The following DIAPH3 variants were observed in gnomAD, a reference collection of about 807,000 sequenced individuals.
DIAPH3 encodes protein diaphanous homolog 3.
In DIAPH3, 117 loss-of-function variants were observed where a neutral mutation model predicts 144.3. That is an observed-to-expected ratio of 0.81 (90% CI 0.70 to 0.95). The LOEUF is 0.95. Among genes scored for constraint, DIAPH3 ranks in the 40% least tolerant of loss-of-function variants. The probability of loss-of-function intolerance (pLI) is 0.00; values close to 1 mark genes in which losing one functional copy is unlikely to be tolerated. For synonymous variants in DIAPH3, 519 were observed against 488.9 expected (o/e 1.06, Z -0.81); for missense variants, 1,421 against 1,412.7 (o/e 1.01, Z -0.09).
chr13:59,881,211 T>C (rs1318715025), intron 20 of DIAPH3, among the ~76,000 whole-genome samples: 4 of 151,894 alleles, frequency 2.6e-5, no homozygotes, highest in Admixed American at 2.6e-4. Flanking sequence ...TCCTTAACCA[T>C]TGCAAAAGGA....
intron 18 of DIAPH3, among the ~76,000 whole-genome samples, chr13:59,918,696 A>G (rs2047361306): frequency 1.3e-5 from 2 of 152,182 alleles, no homozygotes; most frequent in Non-Finnish European, 2.9e-5. Context: ...AAAACCCTAG[A>G]CAGACTTACT....
At chr13:59,947,762 G>A (rs952179915) in intron 17 of DIAPH3, among the ~76,000 whole-genome samples, 5 of 150,802 alleles carry the variant, frequency 3.3e-5, no homozygotes, top group Non-Finnish European at 5.9e-5. Context: ...AACCACAATC[G>A]TTTTGCATGA....
chr13:59,694,643 A>C (rs940251031), intron 27 of DIAPH3, among the ~76,000 whole-genome samples: 3 of 152,148 alleles, frequency 2.0e-5, no homozygotes, highest in African/African-American at 7.2e-5. Context: ...GCCTTTATAA[A>C]GTTTCTTAGT....
At chr13:59,856,554 A>G (rs941264433) in intron 22 of DIAPH3, among the ~76,000 whole-genome samples, 4 of 152,140 alleles carry the variant, frequency 2.6e-5, no homozygotes, top group Non-Finnish European at 4.4e-5. Flanking sequence ...TCCTCTGTAC[A>G]TGTACATTCC....
At chr13:60,044,550 T>C (rs1400976302) in intron 4 of DIAPH3, among the ~76,000 whole-genome samples, 1 of 152,198 alleles carries the variant, frequency 6.6e-6, no homozygotes, top group East Asian at 1.9e-4. Context: ...TATTGATGTC[T>C]CTTTTTGCTC....
chr13:60,047,977 G>C (rs1197366394), intron 4 of DIAPH3, among the ~76,000 whole-genome samples: 1 of 152,184 alleles, frequency 6.6e-6, no homozygotes, highest in Non-Finnish European at 1.5e-5. Flanking sequence ...AAGACTCCTG[G>C]ATTAGAGCCA....
chr13:59,993,248 G>A (rs944613905), intron 9 of DIAPH3, among the ~76,000 whole-genome samples: 3 of 151,766 alleles, frequency 2.0e-5, no homozygotes, highest in Admixed American at 6.6e-5. Context: ...TTCAGCTCAT[G>A]TTTAACACTT....
At position 60,156,918 on chromosome 13, in the gene DIAPH3, C is replaced by CACATATATATATATATATATATAT. The variant is rs1324633645; in HGVS notation, c.180+6668_180+6669insATATATATATATATATATATATGT. Among the ~76,000 whole-genome samples, 56 of 55,424 alleles carry CACATATATATATATATATATATAT rather than the reference C, an allele frequency of 1.0e-3. 13 individuals are homozygous for CACATATATATATATATATATATAT. The highest frequency in any genetic ancestry group is 4.6e-3 in the Admixed American group (16 of 3,500). 36.4% of individuals were successfully genotyped at this position (55,424 alleles called of 152,430 possible). A position where few individuals can be genotyped will look rare whatever the true frequency, so the allele number is the denominator to read the frequency against. ...TAGTGGCCCAGAGACCCAGATCCTT[C>CACATATATATATATATATATATAT]ATATATATATATATATATATATTTT... On this transcript the variant is annotated intron_variant, in intron 1 of 27. Coordinates refer to ENST00000400324, the MANE Select transcript of DIAPH3 (RefSeq NM_001042517.2).
At chr13:59,747,935 C>A (rs965226604) in intron 27 of DIAPH3, among the ~76,000 whole-genome samples, 1 of 152,168 alleles carries the variant, frequency 6.6e-6, no homozygotes, top group African/African-American at 2.4e-5. Flanking sequence ...ATGCCTTCCA[C>A]TATAAATTAT....
chr13:59,879,716 T>C (rs2044880995), intron 20 of DIAPH3, among the ~76,000 whole-genome samples: 1 of 152,182 alleles, frequency 6.6e-6, no homozygotes, highest in Admixed American at 6.5e-5. Context: ...AATGATAATG[T>C]TTAATTAAGC....
chr13:60,106,267 GA>G (rs1318228443), intron 3 of DIAPH3, among the ~76,000 whole-genome samples: 1 of 151,986 alleles, frequency 6.6e-6, no homozygotes, highest in African/African-American at 2.4e-5. Flanking sequence ...TCAAACCTCA[GA>G]AACAAACCCA....
intron 3 of DIAPH3, among the ~76,000 whole-genome samples, chr13:60,108,045 A>G (rs939236791): frequency 1.3e-5 from 2 of 152,208 alleles, no homozygotes; most frequent in Non-Finnish European, 2.9e-5. Context: ...ATCTAAGTAT[A>G]GTGTCTAAGG....
At chr13:59,759,515 C>A (rs2037463501) in intron 27 of DIAPH3, among the ~76,000 whole-genome samples, 1 of 152,160 alleles carries the variant, frequency 6.6e-6, no homozygotes, top group Non-Finnish European at 1.5e-5. Context: ...AAATACATTT[C>A]TTTCTCATCC....
intron 24 of DIAPH3, among the ~76,000 whole-genome samples, chr13:59,820,915 C>G (rs2041035524): frequency 6.6e-6 from 1 of 151,684 alleles, no homozygotes; most frequent in African/African-American, 2.4e-5. Context: ...CCCATTTAAA[C>G]AGATTCGCCC....
At chr13:59,949,813 A>G (rs2049007874) in intron 17 of DIAPH3, among the ~76,000 whole-genome samples, 2 of 152,198 alleles carry the variant, frequency 1.3e-5, no homozygotes, top group Non-Finnish European at 1.5e-5. Context: ...CCTAAAATCT[A>G]CAGACACCAG....
chr13:59,823,474 G>A (rs1013398169), intron 24 of DIAPH3, among the ~76,000 whole-genome samples: 5 of 152,176 alleles, frequency 3.3e-5, no homozygotes, highest in African/African-American at 1.2e-4. Context: ...ATGTGCTAAT[G>A]AAGACATAAG....
intron 25 of DIAPH3, among the ~76,000 whole-genome samples, chr13:59,802,919 C>T (rs2040013849): frequency 6.6e-6 from 1 of 151,152 alleles, no homozygotes; most frequent in Admixed American, 6.6e-5. Context: ...CTCCTGACCT[C>T]ATGATCCACC....
At chr13:59,990,572 C>T (rs903488978) in intron 12 of DIAPH3, among the ~76,000 whole-genome samples, 2 of 151,846 alleles carry the variant, frequency 1.3e-5, no homozygotes, top group Admixed American at 6.6e-5. Flanking sequence ...ACCCACATTC[C>T]CATATTTCAT....
intron 17 of DIAPH3, among the ~76,000 whole-genome samples, chr13:59,941,485 AC>A (rs914461568): frequency 1.3e-5 from 2 of 152,018 alleles, no homozygotes; most frequent in African/African-American, 4.8e-5. Flanking sequence ...GATATTAGAG[AC>A]CCCCAGAGCA....
Sources: gnomAD v4.1 joint callset for allele counts (sites outside exome capture counted in the v4.1 genomes callset) on GRCh38, gnomAD v4.1.1 for gene constraint, MANE v1.5 for transcripts, NCBI Gene and HGNC (gene_info 2026-07-23, HGNC 2026-07-21) for gene names.